The following TENM1 variants were observed in gnomAD, a reference collection of about 807,000 sequenced individuals.
TENM1 encodes the protein teneurin transmembrane protein 1.
Under a neutral mutation model 174.8 loss-of-function variants are expected in TENM1, and 35 were observed. The ratio of observed to expected loss-of-function variants is 0.20; its 90% CI spans 0.15 to 0.27. The LOEUF (loss-of-function observed/expected upper bound fraction) is 0.27. TENM1 is among the 10% of genes least tolerant of loss of function. The pLI is 1.00. For synonymous variants in TENM1, 781 were observed against 798.7 expected, an observed-to-expected ratio of 0.98 and a Z score of 0.37; for missense variants, 1,633 against 2,130.1, an observed-to-expected ratio of 0.77 and a Z score of 4.59.
At chrX:124,824,000 T>C (rs2056099315) in intron 3 of TENM1, among the ~76,000 whole-genome samples, 1 of 112,026 alleles carries the variant, frequency 8.9e-6, no homozygotes, top group African/African-American at 3.2e-5. Flanking sequence ...TTTCAGCTAA[T>C]ACTGCATAAT....
intron 1 of TENM1, among the ~76,000 whole-genome samples, chrX:124,897,448 T>G (rs2057582084): frequency 9.0e-6 from 1 of 111,429 alleles, no homozygotes; most frequent in Non-Finnish European, 1.9e-5. Flanking sequence ...CTAACATGAA[T>G]TTAATTCTCT....
At chrX:125,061,604 G>C in the TENM1 span, among the ~76,000 whole-genome samples, 4 of 111,951 alleles carry the variant, frequency 3.6e-5, no homozygotes, top group African/African-American at 1.3e-4. Flanking sequence ...ATGTGCAGAA[G>C]AGGAGGTGAA....
At chrX:124,662,259 C>G (rs1172003091) in intron 6 of TENM1, among the ~76,000 whole-genome samples, 2 of 109,575 alleles carry the variant, frequency 1.8e-5, no homozygotes, top group East Asian at 5.8e-4. Context: ...CTGAGACCAG[C>G]CTGGCCAATA....
At chrX:124,827,313 T>A (rs1400228544) in intron 3 of TENM1, among the ~76,000 whole-genome samples, 4 of 112,030 alleles carry the variant, frequency 3.6e-5, no homozygotes, top group African/African-American at 1.3e-4. Flanking sequence ...CTTCCCAAAG[T>A]GCTGGGATTA....
At chrX:125,149,064 T>G in the TENM1 span, among the ~76,000 whole-genome samples, 2 of 100,516 alleles carry the variant, frequency 2.0e-5, no homozygotes, top group Non-Finnish European at 4.0e-5. Flanking sequence ...TAATAGGCAT[T>G]CAAGGTTCTG....
At chrX:124,881,987 C>T (rs1424779079) in intron 3 of TENM1, among the ~76,000 whole-genome samples, 2 of 112,172 alleles carry the variant, frequency 1.8e-5, no homozygotes, top group Non-Finnish European at 3.8e-5. Flanking sequence ...CTTCGGCCTC[C>T]CGAAGTGCTG....
chrX:124,546,018 T>C (rs12006619), intron 15 of TENM1, among the ~76,000 whole-genome samples: 9 of 111,922 alleles, frequency 8.0e-5, no homozygotes, highest in Non-Finnish European at 1.9e-5. Context: ...GGAGTTGTAA[T>C]TTTCTTAGAT....
the TENM1 span, among the ~76,000 whole-genome samples, chrX:125,136,499 G>GTGC: frequency 3.6e-5 from 4 of 111,719 alleles, no homozygotes; most frequent in Non-Finnish European, 7.5e-5. Flanking sequence ...GTTAAGTAAC[G>GTGC]TGCTGCAGGT....
intron 11 of TENM1, among the ~76,000 whole-genome samples, chrX:124,570,327 G>T (rs1414736776): frequency 9.0e-6 from 1 of 111,143 alleles, no homozygotes; most frequent in Non-Finnish European, 1.9e-5. Flanking sequence ...TAGAAAAGAG[G>T]AAACTCTTAA....
the TENM1 span, among the ~76,000 whole-genome samples, chrX:125,115,874 A>G: frequency 1.8e-5 from 2 of 109,995 alleles, no homozygotes; most frequent in African/African-American, 6.7e-5. Context: ...TCTTCACAGA[A>G]TTACGAAAAA....
intron 11 of TENM1, among the ~76,000 whole-genome samples, chrX:124,594,244 A>G (rs2049834542): frequency 9.0e-6 from 1 of 111,553 alleles, no homozygotes; most frequent in East Asian, 2.8e-4. Context: ...GCTGGATGAC[A>G]TCATAGGGGC....
chrX:124,800,473 T>C (rs2055417729), intron 3 of TENM1, among the ~76,000 whole-genome samples: 1 of 111,595 alleles, frequency 9.0e-6, no homozygotes, highest in Non-Finnish European at 1.9e-5. Context: ...TTGTGTCTAT[T>C]TGATTCTTCT....
At chrX:124,399,784 TG>T (rs1156530129) in intron 27 of TENM1, among the ~76,000 whole-genome samples, 2 of 110,725 alleles carry the variant, frequency 1.8e-5, no homozygotes, top group Admixed American at 9.6e-5. Context: ...CTGGGCAACA[TG>T]GCAAGACCCT....
chrX:125,183,379 C>T, the TENM1 span, among the ~76,000 whole-genome samples: 1 of 111,655 alleles, frequency 9.0e-6, no homozygotes, highest in East Asian at 2.8e-4. Flanking sequence ...TTCTCAGGCA[C>T]TGTCTTGTGC....
intron 3 of TENM1, among the ~76,000 whole-genome samples, chrX:124,803,193 T>C (rs2055501136): frequency 8.9e-6 from 1 of 111,823 alleles, no homozygotes; most frequent in Non-Finnish European, 1.9e-5. Flanking sequence ...ATAATGAATG[T>C]TAACCTTTCA....
intron 3 of TENM1, among the ~76,000 whole-genome samples, chrX:124,740,497 A>T (rs1485478416): frequency 8.9e-6 from 1 of 111,781 alleles, no homozygotes; most frequent in African/African-American, 3.2e-5. Flanking sequence ...CGTATAATGC[A>T]TATCCATATA....
chrX:124,704,104 A>T (rs779474749), intron 5 of TENM1, among the ~76,000 whole-genome samples: 2 of 112,477 alleles, frequency 1.8e-5, no homozygotes, highest in East Asian at 5.6e-4. Context: ...AGAAAGTCTA[A>T]GTCTCTTTTT....
chrX:124,997,875 G>A, the TENM1 span, among the ~76,000 whole-genome samples: 2 of 110,160 alleles, frequency 1.8e-5, no homozygotes, highest in Non-Finnish European at 3.8e-5. Flanking sequence ...AACAACCTCT[G>A]ACTATTCTTT....
the TENM1 span, among the ~76,000 whole-genome samples, chrX:124,991,078 T>C: frequency 9.0e-6 from 1 of 111,416 alleles, no homozygotes; most frequent in African/African-American, 3.3e-5. Flanking sequence ...AGCCATATGA[T>C]TGTGCATTTG....
Sources: allele counts gnomAD v4.1 joint callset (sites outside exome capture counted in the v4.1 genomes callset), GRCh38; gene constraint gnomAD v4.1.1; transcripts MANE v1.5; gene names NCBI Gene and HGNC (gene_info 2026-07-23, HGNC 2026-07-21).